The following DOT1L variants were observed in gnomAD, a reference collection of about 807,000 sequenced individuals.
DOT1L encodes histone-lysine N-methyltransferase, H3 lysine-79 specific.
Under a neutral mutation model 153.3 loss-of-function variants are expected in DOT1L, and 33 were observed. The ratio of observed to expected loss-of-function variants is 0.22; its 90% confidence interval spans 0.16 to 0.29. The LOEUF (loss-of-function observed/expected upper bound fraction) is 0.29, where lower values mean the gene tolerates loss of function less well. Among genes scored for constraint, DOT1L ranks in the 10% least tolerant of loss-of-function variants. DOT1L has a pLI of 1.00. For synonymous variants in DOT1L, 1,135 were observed against 965.1 expected, an observed-to-expected ratio of 1.18 and a Z score of -3.26; for missense variants, 1,847 against 2,119.9, an observed-to-expected ratio of 0.87 and a Z score of 2.53.
At chr19:2,164,415 T>G in intron 1 of DOT1L, 150 bp downstream of exon 1, 60 of 443,338 alleles carry the variant, frequency 1.4e-4, no homozygotes, top group Non-Finnish European at 1.6e-4. Context: ...CCCCCGTTGC[T>G]TCCCGGCCGA....
chr19:2,170,939 C>T (rs1201261211), intron 1 of DOT1L, among the ~76,000 whole-genome samples: 1 of 152,100 alleles, frequency 6.6e-6, no homozygotes, highest in Non-Finnish European at 1.5e-5. Flanking sequence ...CAAGAGTCTC[C>T]CAGAACCTGT....
In DOT1L at chr19:2,208,577, C is replaced by T. The variant is rs1004695267; in HGVS notation, c.964-358C>T. On this transcript the variant is annotated intron_variant, in intron 11 of 27. Transcript: ENST00000398665. The surrounding 1 kb of genome is among the most constrained non-coding windows in gnomAD (Gnocchi z 4.4). Reference sequence around the variant, plus strand: ...GCTGCTTCAGCTGCCCTGGCACTGACGCCCTCGGCGCAGCCTCTCGCCTTC... The same window carrying T: ...GCTGCTTCAGCTGCCCTGGCACTGATGCCCTCGGCGCAGCCTCTCGCCTTC... 1.3e-5 allele frequency among the ~76,000 whole-genome samples: 2 copies of T among 152,212 alleles called. No homozygotes were observed. Among genetic ancestry groups the T allele is most frequent in the African/African-American group, 4.8e-5 (2 of 41,448 alleles).
chr19:2,229,700 C>A, intron 27 of DOT1L, 85 bp from the exon 28 acceptor site: 1 of 1,608,396 alleles, frequency 6.2e-7, no homozygotes, highest in Non-Finnish European at 8.5e-7. Context: ...CGTGGGAGGC[C>A]TCGGTCCCCA....
intron 19 of DOT1L, chr19:2,214,842 C>G (rs1022587797): frequency 4.2e-6 from 2 of 479,502 alleles, no homozygotes; most frequent in Non-Finnish European, 7.4e-6. Flanking sequence ...ATGCGCAGCG[C>G]TAACCTAGGA....
rs2144901376 is a variant in DOT1L at position 2,221,999 on chromosome 19, G to C, written c.2830G>C (p.Ala944Pro). Residue 944 changes from alanine to proline, a missense_variant, in exon 24 of 28, where the codon GCC becomes CCC. Ala to Pro is a conservative substitution (Grantham distance 27). Around this residue, in one of 8 missense-constraint regions of DOT1L, gnomAD observed 68 missense variants for 80.7 expected, o/e 0.84. Transcript: ENST00000398665. ...PAGFSYAGSVAISGALAGSPA... is the reference protein window; with the variant it reads ...PAGFSYAGSVPISGALAGSPA... Reference sequence around the variant, plus strand: ...AGGCTTCTCCTACGCTGGCTCGGTGGCCATCAGCGGGGCCTTGGCGGGCAG... The same window carrying C: ...AGGCTTCTCCTACGCTGGCTCGGTGCCCATCAGCGGGGCCTTGGCGGGCAG... 6.2e-7 allele frequency: 1 copy of C among 1,609,852 alleles called. No homozygotes were observed. Among genetic ancestry groups the C allele is most frequent in the Non-Finnish European group, 8.5e-7 (1 of 1,178,276 alleles).
At position 2,207,394 on chromosome 19, in the gene DOT1L, T is replaced by G. The variant is rs148221395; in HGVS notation, c.857-180T>G. Among the ~76,000 whole-genome samples the G allele has an allele frequency of 3.0e-3, 450 of 152,272 alleles. 8 individuals carry two copies. Among genetic ancestry groups the G allele is most frequent in the East Asian group, 1.7e-3 (9 of 5,182 alleles). On this transcript the variant is annotated intron_variant, in intron 10 of 27. Transcript: ENST00000398665. This position sits in a 1 kb window ranked among gnomAD's most constrained non-coding sequence, Gnocchi z 4.5. ...TTGGAGGGGCCCAGGCCAGGTGGTG[T>G]TGAATGGTGCACCTCCCTGGGCCGG...
intron 1 of DOT1L, among the ~76,000 whole-genome samples, chr19:2,178,440 C>T (rs1203534198): frequency 2.4e-5 from 3 of 125,142 alleles, no homozygotes; most frequent in Non-Finnish European, 3.3e-5. Context: ...TTTTTTGAGA[C>T]GGAGTCTTGC....
intron 27 of DOT1L, chr19:2,229,186 G>T: frequency 2.0e-6 from 2 of 985,466 alleles, no homozygotes; most frequent in Non-Finnish European, 2.4e-6. Context: ...TTCAGGGAAT[G>T]TCCTGTTCAC....
Position 2,206,808 on chromosome 19 carries a change from C to T in DOT1L, c.856+11C>T, listed in dbSNP as rs375736617. On this transcript the variant is annotated intron_variant, in intron 10 of 27. Transcript: ENST00000398665. ...GTAGAAACTTGAGTGGTAAGAAACT[C>T]TCATGTTGTTAATGATGAACACGGG... is the stretch of plus-strand genomic sequence containing the variant. The T allele has an allele frequency of 8.4e-5, 135 of 1,612,776 alleles. No individual in the cohort carries two copies. The highest frequency in any genetic ancestry group is 3.8e-5 in the Non-Finnish European group (45 of 1,179,048).
chr19:2,192,895 G>A (rs962696241), intron 5 of DOT1L, among the ~76,000 whole-genome samples: 2 of 152,156 alleles, frequency 1.3e-5, no homozygotes, highest in South Asian at 2.1e-4. Context: ...AGATGATGAC[G>A]GCCTAGCACT....
chr19:2,230,799 C>T lies in DOT1L; in HGVS notation c.*1007C>T, dbSNP rs556990374. On this transcript the variant is annotated 3_prime_UTR_variant, in exon 28 of 28. Transcript: ENST00000398665. ...GCACAAAATGGCCCCAGCGTCAGCCCCGACCCTAGACCCCTCAGTTGCAGC... is the reference window on the plus strand; with the variant it reads ...GCACAAAATGGCCCCAGCGTCAGCCTCGACCCTAGACCCCTCAGTTGCAGC... 3.1e-5 allele frequency: 12 copies of T among 385,102 alleles called. No individual in the cohort carries two copies. Among genetic ancestry groups the T allele is most frequent in the African/African-American group, 2.5e-4 (12 of 48,538 alleles). 23.9% of individuals were successfully genotyped at this position (385,102 alleles called of 1,614,324 possible).
intron 16 of DOT1L, 62 bp from the exon 17 acceptor site, chr19:2,213,477 C>A: frequency 6.4e-7 from 1 of 1,556,984 alleles, no homozygotes; most frequent in Non-Finnish European, 8.8e-7. Context: ...GGCGTGGGCC[C>A]TCCCTGTGGG....
intron 24 of DOT1L, 140 bp from the exon 25 acceptor site, chr19:2,223,141 T>G: frequency 1.2e-6 from 1 of 839,938 alleles, no homozygotes; most frequent in South Asian, 1.7e-5. Flanking sequence ...GGACAGGGGC[T>G]GTACTGGCCG....
chr19:2,211,160 C>T lies in DOT1L; in HGVS notation c.1413C>T (p.Ser471=), dbSNP rs1599594622. The T allele has an allele frequency of 6.2e-7, 1 of 1,612,668 alleles. No individual in the cohort carries two copies. Among genetic ancestry groups the T allele is most frequent in the Middle Eastern group, 1.7e-4 (1 of 6,058 alleles). ...YQLPPSVQRH[S]PNPLLVAPTP... ...TACCTCCGAGCGTGCAGCGGCACTCCCCCAACCCGCTGCTGGTGGCGCCCA... is the reference window on the plus strand; with the variant it reads ...TACCTCCGAGCGTGCAGCGGCACTCTCCCAACCCGCTGCTGGTGGCGCCCA... The change falls in exon 15 of 28, where the codon TCC becomes TCT. Residue 471 remains serine (S), a synonymous_variant. Transcript: ENST00000398665.
intron 27 of DOT1L, chr19:2,228,390 C>A: frequency 7.8e-7 from 1 of 1,274,198 alleles, no homozygotes; most frequent in Non-Finnish European, 1.0e-6. Flanking sequence ...AAGGTAAGGC[C>A]AGAGCCCTGC....
chr19:2,184,664 G>A (rs2022407373), intron 2 of DOT1L, among the ~76,000 whole-genome samples: 1 of 152,174 alleles, frequency 6.6e-6, no homozygotes, highest in Non-Finnish European at 1.5e-5. Context: ...CAAGCGGAAG[G>A]CGTGTCCTTC....
chr19:2,198,347 G>A (rs1436091856), intron 7 of DOT1L, among the ~76,000 whole-genome samples: 1 of 152,192 alleles, frequency 6.6e-6, no homozygotes, highest in Non-Finnish European at 1.5e-5. Context: ...GCTCGCCTGC[G>A]CACCTCCCAT....
chr19:2,196,285 G>A (rs2023016706), intron 7 of DOT1L, among the ~76,000 whole-genome samples: 1 of 152,234 alleles, frequency 6.6e-6, no homozygotes, highest in Non-Finnish European at 1.5e-5. Flanking sequence ...TGGTGGTCTG[G>A]CAGATGAACC....
chr19:2,193,837 G>T lies in DOT1L; in HGVS notation c.588+54G>T. 6.3e-7 allele frequency: 1 copy of T among 1,576,092 alleles called. No individual in the cohort carries two copies. The highest frequency in any genetic ancestry group is 1.7e-5 in the Admixed American group (1 of 58,792). ...TGGAGGCAGGGGACCATCAGAGAAA[G>T]TGACGCCCTGGGTGCCTGCACCCCA... On this transcript the variant is annotated intron_variant, in intron 6 of 27. Coordinates refer to ENST00000398665, the MANE Select transcript of DOT1L (RefSeq NM_032482.3). The surrounding 1 kb of genome is among the most constrained non-coding windows in gnomAD (Gnocchi z 5.9).
Sources: gnomAD v4.1 joint callset for allele counts (sites outside exome capture counted in the v4.1 genomes callset) on GRCh38, gnomAD v4.1.1 for gene constraint, gnomAD v4.1.1 regional missense constraint, Gnocchi (gnomAD v3.1) non-coding constraint, MANE v1.5 for transcripts, NCBI Gene and HGNC (gene_info 2026-07-23, HGNC 2026-07-21) for gene names.